Variants in CSMD1 observed in about 807,000 individuals in gnomAD.
The protein encoded by CSMD1 is CUB and sushi domain-containing protein 1.
A neutral mutation model predicts 417.5 loss-of-function variants in CSMD1; 213 were observed. That is an observed-to-expected ratio of 0.51 (90% CI 0.46 to 0.57). CSMD1 has a LOEUF of 0.57. CSMD1 is among the 20% of genes least tolerant of loss of function. CSMD1 has a pLI of 0.00. For missense variants in CSMD1, 6,923 were observed against 4,529.7 expected (o/e 1.53, Z -15.17); for synonymous variants, 2,862 against 1,736.8 (o/e 1.65, Z -16.11).
intron 5 of CSMD1, among the ~76,000 whole-genome samples, chr8:3,811,583 C>G (rs1801082569): frequency 6.6e-6 from 1 of 152,152 alleles, no homozygotes; most frequent in Non-Finnish European, 1.5e-5. Flanking sequence ...TCAAGGCCAT[C>G]ATGGGACAAC....
intron 8 of CSMD1, among the ~76,000 whole-genome samples, chr8:3,614,866 G>A (rs959695289): frequency 1.3e-5 from 2 of 152,160 alleles, no homozygotes; most frequent in African/African-American, 4.8e-5. Context: ...ACATCGTGAT[G>A]ATGCACTGTT....
At chr8:4,257,796 C>A (rs1803570438) in intron 3 of CSMD1, among the ~76,000 whole-genome samples, 1 of 152,182 alleles carries the variant, frequency 6.6e-6, no homozygotes. Context: ...ATGCCACTAG[C>A]ATTTAATGTG....
intron 3 of CSMD1, among the ~76,000 whole-genome samples, chr8:4,251,441 G>C (rs1803065389): frequency 6.6e-6 from 1 of 152,194 alleles, no homozygotes; most frequent in African/African-American, 2.4e-5. Context: ...AGACCCAAAA[G>C]GCAATTAAGG....
intron 50 of CSMD1, among the ~76,000 whole-genome samples, chr8:3,040,608 G>C (rs950350843): frequency 6.6e-6 from 1 of 151,736 alleles, no homozygotes; most frequent in Non-Finnish European, 1.5e-5. Context: ...TTCAGGACCA[G>C]CCTGGCCAAC....
intron 1 of CSMD1, among the ~76,000 whole-genome samples, chr8:4,758,019 G>T (rs1226565381): frequency 1.3e-5 from 2 of 151,086 alleles, no homozygotes; most frequent in African/African-American, 4.9e-5. Context: ...CTTGAGACAG[G>T]ATTTACTGCA....
At chr8:3,184,327 A>G (rs1355565958) in intron 36 of CSMD1, among the ~76,000 whole-genome samples, 1 of 152,200 alleles carries the variant, frequency 6.6e-6, no homozygotes, top group Non-Finnish European at 1.5e-5. Flanking sequence ...TCATTTTCCA[A>G]ACATACTAGT....
intron 5 of CSMD1, among the ~76,000 whole-genome samples, chr8:3,765,815 G>A (rs1798235683): frequency 6.6e-6 from 1 of 152,166 alleles, no homozygotes; most frequent in African/African-American, 2.4e-5. Flanking sequence ...CAGGTCTCAG[G>A]AATCCAGTGG....
At chr8:4,153,641 C>G (rs1035059989) in intron 3 of CSMD1, among the ~76,000 whole-genome samples, 5 of 152,208 alleles carry the variant, frequency 3.3e-5, no homozygotes, top group Non-Finnish European at 7.3e-5. Context: ...TGCAAGGCAG[C>G]TGACATCCTT....
At chr8:3,323,182 G>A (rs774541979) in intron 23 of CSMD1, among the ~76,000 whole-genome samples, 3 of 152,040 alleles carry the variant, frequency 2.0e-5, no homozygotes, top group African/African-American at 7.3e-5. Flanking sequence ...TTCTAACTTC[G>A]TGGGCATCTA....
intron 23 of CSMD1, among the ~76,000 whole-genome samples, chr8:3,332,894 G>A (rs1411241791): frequency 6.6e-6 from 1 of 152,178 alleles, no homozygotes; most frequent in Non-Finnish European, 1.5e-5. Context: ...CATGGCAAGT[G>A]TGAGAGCACC....
intron 12 of CSMD1, among the ~76,000 whole-genome samples, chr8:3,453,058 G>A (rs1391165548): frequency 6.6e-6 from 1 of 152,158 alleles, no homozygotes; most frequent in African/African-American, 2.4e-5. Context: ...GAGTGTATGT[G>A]TCGAGGAATT....
chr8:4,852,521 T>C (rs529346758), intron 1 of CSMD1, among the ~76,000 whole-genome samples: 42 of 152,290 alleles, frequency 2.8e-4, no homozygotes, highest in Non-Finnish European at 4.1e-4. Flanking sequence ...CTTTCATTTA[T>C]AAGTTACCTA....
At chr8:3,746,634 T>C (rs758403323) in intron 6 of CSMD1, among the ~76,000 whole-genome samples, 3 of 152,214 alleles carry the variant, frequency 2.0e-5, no homozygotes, top group South Asian at 4.1e-4. Context: ...TAATATTTCA[T>C]ATCTTTCTTA....
intron 23 of CSMD1, among the ~76,000 whole-genome samples, chr8:3,336,005 T>C (rs1361851222): frequency 6.6e-6 from 1 of 152,156 alleles, no homozygotes; most frequent in African/African-American, 2.4e-5. Context: ...GAGTAATCCT[T>C]AAGCCTAGAA....
intron 5 of CSMD1, among the ~76,000 whole-genome samples, chr8:3,905,960 G>C (rs1037666039): frequency 1.4e-4 from 21 of 152,124 alleles, no homozygotes; most frequent in African/African-American, 4.8e-4. Flanking sequence ...CATACCTTTT[G>C]ATTTTATCAA....
At chr8:3,476,933 T>TG (rs1437359756) in intron 11 of CSMD1, among the ~76,000 whole-genome samples, 5 of 143,140 alleles carry the variant, frequency 3.5e-5, no homozygotes, top group Non-Finnish European at 7.5e-5. Flanking sequence ...AAAAAAAAAA[T>TG]GTGAATCAGT....
intron 3 of CSMD1, among the ~76,000 whole-genome samples, chr8:4,334,932 T>G (rs922861232): frequency 5.3e-5 from 8 of 152,266 alleles, no homozygotes; most frequent in African/African-American, 1.9e-4. Flanking sequence ...CCACAGATGC[T>G]GTATTTTTGC....
chr8:4,611,672 T>C (rs1222986645), intron 2 of CSMD1, among the ~76,000 whole-genome samples: 3 of 152,196 alleles, frequency 2.0e-5, no homozygotes, highest in East Asian at 3.9e-4. Context: ...CTTGTGTTCA[T>C]TTACTGTGTG....
intron 5 of CSMD1, among the ~76,000 whole-genome samples, chr8:3,943,802 G>T (rs1463075872): frequency 6.6e-6 from 1 of 151,950 alleles, no homozygotes; most frequent in East Asian, 1.9e-4. Flanking sequence ...TAAAATAATT[G>T]GCCCTTACTC....
Sources: gnomAD v4.1 joint callset for allele counts (sites outside exome capture counted in the v4.1 genomes callset) on GRCh38, gnomAD v4.1.1 for gene constraint, MANE v1.5 for transcripts, NCBI Gene and HGNC (gene_info 2026-07-23, HGNC 2026-07-21) for gene names.